The following PXDNL variants were observed in gnomAD, a reference collection of about 807,000 sequenced individuals.
PXDNL encodes peroxidasin like.
In PXDNL, 145 loss-of-function variants were observed where a neutral mutation model predicts 150.8. The observed-to-expected ratio is 0.96, with a 90% confidence interval of 0.84 to 1.10. The LOEUF (loss-of-function observed/expected upper bound fraction) is 1.10. PXDNL is among the 50% of genes least tolerant of loss of function. The probability of loss-of-function intolerance (pLI) is 0.00; values close to 1 mark genes in which losing one functional copy is unlikely to be tolerated. For missense variants in PXDNL, 2,087 were observed against 1,873.9 expected (o/e 1.11, Z -2.10); for synonymous variants, 757 against 725.7 (o/e 1.04, Z -0.69).
intron 4 of PXDNL, among the ~76,000 whole-genome samples, chr8:51,500,724 T>C (rs1485612438): frequency 2.0e-5 from 3 of 152,112 alleles, no homozygotes; most frequent in Non-Finnish European, 4.4e-5. Context: ...TCACACCAAA[T>C]TGGAAAAGAG....
At chr8:51,729,342 G>A (rs1816875579) in intron 1 of PXDNL, among the ~76,000 whole-genome samples, 1 of 151,794 alleles carries the variant, frequency 6.6e-6, no homozygotes, top group Non-Finnish European at 1.5e-5. Context: ...ATGGGTAAAA[G>A]CCCCACTAAC....
intron 12 of PXDNL, among the ~76,000 whole-genome samples, chr8:51,438,339 A>AT (rs1809457036): frequency 6.6e-6 from 1 of 152,226 alleles, no homozygotes; most frequent in African/African-American, 2.4e-5. Context: ...GGAAGCAAAA[A>AT]AAGCCCACAT....
At chr8:51,724,291 T>A (rs1816784939) in intron 1 of PXDNL, among the ~76,000 whole-genome samples, 1 of 152,048 alleles carries the variant, frequency 6.6e-6, no homozygotes. Context: ...AGGACAGGCC[T>A]ATAAGGAACA....
chr8:51,594,869 G>A (rs967030213), intron 2 of PXDNL, among the ~76,000 whole-genome samples: 2 of 152,254 alleles, frequency 1.3e-5, no homozygotes, highest in African/African-American at 4.8e-5. Flanking sequence ...CATTCAAAAT[G>A]TATGAGTGGG....
intron 19 of PXDNL, among the ~76,000 whole-genome samples, chr8:51,347,032 A>G (rs1193173580): frequency 6.6e-6 from 1 of 152,238 alleles, no homozygotes; most frequent in African/African-American, 2.4e-5. Flanking sequence ...TAGTAAAACT[A>G]CTATATATGA....
Position 51,426,722 on chromosome 8 carries a change from C to T in PXDNL, c.1562G>A (p.Ser521Asn). The T allele has an allele frequency of 7.5e-6, 12 of 1,605,702 alleles. No homozygotes were observed. Among genetic ancestry groups the T allele is most frequent in the Non-Finnish European group, 1.0e-5 (12 of 1,175,258 alleles). ...GTTTATATTCTTTCCAACCTCGACA[C>T]TTGTATCCTGAGGAAGTTGAGTAAA... is the stretch of plus-strand genomic sequence containing the variant. ...AVFTQLPQDT[S>N]VEVGKNINIS... The change falls in exon 13 of 23, where the codon AGT (serine) becomes AAT (asparagine). Residue 521 changes from serine (S) to asparagine (N), a missense_variant. Transcript: ENST00000356297.
chr8:51,391,014 C>A (rs1039497445), intron 17 of PXDNL, among the ~76,000 whole-genome samples: 23 of 151,946 alleles, frequency 1.5e-4, no homozygotes, highest in African/African-American at 5.6e-4. Context: ...TTTGTCCTTG[C>A]GATAGTTTAC....
At chr8:51,717,599 T>C (rs987494742) in intron 1 of PXDNL, among the ~76,000 whole-genome samples, 16 of 152,170 alleles carry the variant, frequency 1.1e-4, no homozygotes, top group African/African-American at 3.9e-4. Context: ...AGCCATGACC[T>C]GGGCTGGAAG....
intron 17 of PXDNL, among the ~76,000 whole-genome samples, chr8:51,397,877 A>G (rs1168028188): frequency 2.0e-5 from 3 of 152,028 alleles, no homozygotes; most frequent in Non-Finnish European, 4.4e-5. Flanking sequence ...TTAGCATTAC[A>G]TATATCTCCT....
rs1563471052 is a variant in PXDNL at position 51,577,979 on chromosome 8, GAA to G, written c.308+14646_308+14647del. On this transcript the variant is annotated intron_variant, in intron 3 of 22. Transcript: ENST00000356297. Reference sequence around the variant, plus strand: ...AGAAAGAAAGAAAGAAAGAAAGAAAGAAAGAAAGAAAGAAAGAAAGAGGAAGG... The same window carrying G: ...AGAAAGAAAGAAAGAAAGAAAGAAAGAGAAAGAAAGAAAGAAAGAGGAAGG... Among the ~76,000 whole-genome samples the G allele has an allele frequency of 7.8e-3, 691 of 88,692 alleles. 1 individual carries two copies. The highest frequency in any genetic ancestry group is 0.02 in the Middle Eastern group (3 of 152). 58.2% of individuals were successfully genotyped at this position (88,692 alleles called of 152,430 possible). A position where few individuals can be genotyped will look rare whatever the true frequency, so the allele number is the denominator to read the frequency against.
rs184254235 is a variant in PXDNL, at chr8:51,579,563, A to G, written c.308+13064T>C. 1.5e-3 allele frequency among the ~76,000 whole-genome samples: 223 copies of G among 152,136 alleles called. 1 individual carries two copies. The highest frequency in any genetic ancestry group is 5.1e-3 in the African/African-American group (211 of 41,564). On this transcript the variant is annotated intron_variant, in intron 3 of 22. Transcript: ENST00000356297. The stretch of plus-strand genomic sequence containing the variant: ...CTTTAAAACCAAACATCCAATTACC[A>G]TGTAACCCAGCAATCACACTCCAGG...
intron 3 of PXDNL, among the ~76,000 whole-genome samples, chr8:51,558,906 G>T (rs1002937415): frequency 6.6e-6 from 1 of 151,928 alleles, no homozygotes; most frequent in Non-Finnish European, 1.5e-5. Flanking sequence ...AATTATCAAC[G>T]GGCAGCCAAA....
At chr8:51,663,702 C>A (rs1815323607) in intron 1 of PXDNL, among the ~76,000 whole-genome samples, 2 of 152,034 alleles carry the variant, frequency 1.3e-5, no homozygotes, top group Admixed American at 1.3e-4. Flanking sequence ...TGCTACATAC[C>A]TGGTTCTACC....
chr8:51,738,921 C>A (rs537041785), intron 1 of PXDNL, among the ~76,000 whole-genome samples: 4 of 86,412 alleles, frequency 4.6e-5, no homozygotes, highest in African/African-American at 1.1e-4. Context: ...CAAAATTAGT[C>A]GAAAATAGTA....
At position 51,423,693 on chromosome 8, in the gene PXDNL, C is replaced by T. The variant is rs765298906; in HGVS notation, c.1677G>A (p.Val559=). ...VQITESGKFH[V]DDEGTLTIYD... is the part of the protein sequence containing the mutation. The stretch of plus-strand genomic sequence containing the variant: ...AGATAGTCAGCGTGCCTTCATCATC[C>T]ACATGGAATTTACCACTCTCAGTAA... The change falls in exon 14 of 23, where the codon GTG becomes GTA. Residue 559 remains valine, a synonymous_variant. Coordinates refer to ENST00000356297, the MANE Select transcript of PXDNL (RefSeq NM_144651.5). 1.2e-6 allele frequency: 2 copies of T among 1,613,834 alleles called. No homozygotes were observed. Among genetic ancestry groups the T allele is most frequent in the Non-Finnish European group, 1.7e-6 (2 of 1,179,774 alleles).
At chr8:51,589,375 T>A (rs562917160) in intron 3 of PXDNL, among the ~76,000 whole-genome samples, 48 of 152,128 alleles carry the variant, frequency 3.2e-4, no homozygotes, top group Non-Finnish European at 6.0e-4. Context: ...AGGAGTAGGC[T>A]AGAAAAACCC....
intron 1 of PXDNL, among the ~76,000 whole-genome samples, chr8:51,764,851 A>G (rs954908561): frequency 4.6e-5 from 7 of 152,068 alleles, no homozygotes; most frequent in African/African-American, 1.4e-4. Context: ...CAAGTTTTCT[A>G]TTTACTTGAT....
chr8:51,486,770 A>T (rs1810752104), intron 5 of PXDNL, among the ~76,000 whole-genome samples: 1 of 7,284 alleles, frequency 1.4e-4, no homozygotes, highest in Non-Finnish European at 4.1e-4. Context: ...ATATATATAT[A>T]TATATATATA....
In PXDNL at chr8:51,592,710, AAAAC is replaced by A. The variant is rs1171662447; in HGVS notation, c.237-16_237-13del. On this transcript the variant is annotated splice_polypyrimidine_tract_variant and intron_variant, in intron 2 of 22. Coordinates refer to ENST00000356297, the MANE Select transcript of PXDNL (RefSeq NM_144651.5). ...TGTTGTTCAGCAGACTGAAAAAGCA[AAAAC>A]AAACAAATAATTCCCAAATGAGAAA... is the stretch of plus-strand genomic sequence containing the variant. 3 of 1,533,778 alleles carry A rather than the reference AAAAC, an allele frequency of 2.0e-6. No individual in the cohort carries two copies. The highest frequency in any genetic ancestry group is 4.9e-5 in the East Asian group (2 of 40,624).
Sources: allele counts gnomAD v4.1 joint callset (sites outside exome capture counted in the v4.1 genomes callset), GRCh38; gene constraint gnomAD v4.1.1; transcripts MANE v1.5; gene names NCBI Gene and HGNC (gene_info 2026-07-23, HGNC 2026-07-21).